The following BBS9 variants were observed in gnomAD, a reference collection of about 807,000 sequenced individuals.
BBS9 encodes Bardet-Biedl syndrome 9, also known as protein PTHB1.
In BBS9, 89 loss-of-function variants were observed where a neutral mutation model predicts 117.7. The ratio of observed to expected loss-of-function variants is 0.76; its 90% CI spans 0.64 to 0.90. The LOEUF (loss-of-function observed/expected upper bound fraction) is 0.90. BBS9 is among the 40% of genes least tolerant of loss of function. The pLI, the probability that BBS9 is intolerant of heterozygous loss-of-function variation, is 0.00. For missense variants in BBS9, 982 were observed against 1,042.2 expected (o/e 0.94, Z 0.80); for synonymous variants, 379 against 370.9 (o/e 1.02, Z -0.25).
intron 12 of BBS9, among the ~76,000 whole-genome samples, chr7:33,347,936 AT>A (rs975321259): frequency 1.3e-5 from 2 of 151,726 alleles, no homozygotes; most frequent in Admixed American, 6.6e-5. Flanking sequence ...ATTTTATTTA[AT>A]TTTTTTTCTC....
intron 21 of BBS9, among the ~76,000 whole-genome samples, chr7:33,576,809 G>T (rs2129149402): frequency 6.6e-6 from 1 of 152,270 alleles, no homozygotes; most frequent in Middle Eastern, 3.4e-3. Flanking sequence ...AATGGAGAAA[G>T]AATTCCCTAT....
intron 17 of BBS9, among the ~76,000 whole-genome samples, chr7:33,381,605 T>G (rs1173969679): frequency 2.6e-5 from 4 of 152,162 alleles, no homozygotes; most frequent in African/African-American, 7.2e-5. Flanking sequence ...TCTAAAACAT[T>G]AAAACTTCAG....
At chr7:33,479,074 G>T (rs1466293722) in intron 19 of BBS9, among the ~76,000 whole-genome samples, 1 of 152,094 alleles carries the variant, frequency 6.6e-6, no homozygotes, top group Non-Finnish European at 1.5e-5. Context: ...TTTCAAGGCT[G>T]AATATTTCTT....
intron 21 of BBS9, among the ~76,000 whole-genome samples, chr7:33,616,479 A>G (rs1562534053): frequency 1.4e-5 from 2 of 142,490 alleles, no homozygotes; most frequent in African/African-American, 2.6e-5. Flanking sequence ...TATATAATAT[A>G]TGTGTGTGTG....
rs11977386 is a variant in BBS9 at position 33,368,259 on chromosome 7, T to A, written c.1789+397T>A. On this transcript the variant is annotated intron_variant, in intron 17 of 22. Coordinates refer to ENST00000242067, the MANE Select transcript of BBS9 (RefSeq NM_198428.3). ...ACTCCTAGAACTTGGAATTTTTTTG[T>A]TTGCATATATTCTTGTTTATTCATT... Among the ~76,000 whole-genome samples the A allele has an allele frequency of 7.0e-3, 1,069 of 152,302 alleles. 17 individuals are homozygous for A. The highest frequency in any genetic ancestry group is 0.025 in the African/African-American group (1,024 of 41,582).
chr7:33,392,619 A>G (rs1827250274), intron 19 of BBS9, among the ~76,000 whole-genome samples: 1 of 152,178 alleles, frequency 6.6e-6, no homozygotes, highest in African/African-American at 2.4e-5. Flanking sequence ...GTACTTTTTT[A>G]TAATCTATCC....
chr7:33,515,071 A>G lies in BBS9; in HGVS notation c.2298+9426A>G, dbSNP rs578119088. 2.4e-4 allele frequency among the ~76,000 whole-genome samples: 37 copies of G among 152,276 alleles called. No individual in the cohort carries two copies. The South Asian group carries it at 7.3e-3, about 30-fold the overall frequency. ...TAGTTACTATTGCCACTGTATGACA[A>G]CAATGCCATCTACTCTAAGTTATGG... On this transcript the variant is annotated intron_variant, in intron 20 of 22. Transcript: ENST00000242067.
intron 19 of BBS9, among the ~76,000 whole-genome samples, chr7:33,499,509 A>T (rs1475918088): frequency 6.6e-6 from 1 of 152,186 alleles, no homozygotes; most frequent in Non-Finnish European, 1.5e-5. Context: ...CAACAAATCT[A>T]TCTGGTTTAT....
intron 20 of BBS9, among the ~76,000 whole-genome samples, chr7:33,507,626 C>T (rs983491536): frequency 6.6e-6 from 1 of 152,152 alleles, no homozygotes; most frequent in African/African-American, 2.4e-5. Flanking sequence ...TTTTTATATC[C>T]TCAGTACCTG....
chr7:33,252,396 C>T (rs1796351811), intron 5 of BBS9, among the ~76,000 whole-genome samples: 2 of 152,296 alleles, frequency 1.3e-5, no homozygotes, highest in Admixed American at 1.3e-4. Context: ...ACTTTTTCAT[C>T]CTATCATGCT....
intron 5 of BBS9, among the ~76,000 whole-genome samples, chr7:33,218,998 G>C (rs993087941): frequency 6.6e-6 from 1 of 152,244 alleles, no homozygotes; most frequent in East Asian, 1.9e-4. Context: ...CGGGAACCCG[G>C]GCTGCGGGCG....
At chr7:33,360,233 T>C (rs1357153693) in intron 16 of BBS9, among the ~76,000 whole-genome samples, 1 of 152,082 alleles carries the variant, frequency 6.6e-6, no homozygotes, top group Non-Finnish European at 1.5e-5. Flanking sequence ...TTTATTATAG[T>C]TTATTTGATG....
At chr7:33,202,974 A>G (rs1415422454) in intron 5 of BBS9, among the ~76,000 whole-genome samples, 2 of 152,178 alleles carry the variant, frequency 1.3e-5, no homozygotes, top group Non-Finnish European at 2.9e-5. Flanking sequence ...CTCCAGTGGA[A>G]AACAAGGGGC....
intron 19 of BBS9, among the ~76,000 whole-genome samples, chr7:33,492,811 AGTGTGTGTGTGTGTGTGTGTGTGTGTGT>A: frequency 7.6e-6 from 1 of 131,668 alleles, no homozygotes; most frequent in South Asian, 2.5e-4. Context: ...TATAGGAGTG[AGTGTGTGTGTGTGTGTGTGTGTGTGTGT>A]GTGTGTGTGT....
At position 33,275,365 on chromosome 7, in the gene BBS9, A is replaced by G. The variant is rs377684081; in HGVS notation, c.1016+1409A>G. On this transcript the variant is annotated intron_variant, in intron 9 of 22. Transcript: ENST00000242067. ...ATCACATGGTCTTTTTAAATTTAAC[A>G]GAATATTCATACTCACCAGACATTT... 1.5e-4 allele frequency among the ~76,000 whole-genome samples: 23 copies of G among 152,340 alleles called. No homozygotes were observed. The East Asian group carries it at 1.7e-3, about 11-fold the overall frequency.
chr7:33,184,213 C>A (rs1798490364), intron 5 of BBS9, among the ~76,000 whole-genome samples: 1 of 152,002 alleles, frequency 6.6e-6, no homozygotes. Context: ...AAAGACCCAC[C>A]ATTGCAGTGA....
intron 7 of BBS9, 34 bp from the exon 8 acceptor site, chr7:33,272,978 A>T: frequency 6.2e-7 from 1 of 1,604,520 alleles, no homozygotes. Context: ...TTCTGAGGTT[A>T]GCAACTAAAT....
chr7:33,613,596 T>C (rs1864986139), intron 21 of BBS9, among the ~76,000 whole-genome samples: 1 of 151,888 alleles, frequency 6.6e-6, no homozygotes, highest in African/African-American at 2.4e-5. Context: ...AATAATACCT[T>C]CTATAAAGTG....
intron 19 of BBS9, among the ~76,000 whole-genome samples, chr7:33,425,376 A>G (rs979565505): frequency 6.6e-6 from 1 of 152,208 alleles, no homozygotes; most frequent in African/African-American, 2.4e-5. Flanking sequence ...TCCAGGGTAC[A>G]TATGCAGGAT....
Sources: gnomAD v4.1 joint callset for allele counts (sites outside exome capture counted in the v4.1 genomes callset) on GRCh38, gnomAD v4.1.1 for gene constraint, MANE v1.5 for transcripts, NCBI Gene and HGNC (gene_info 2026-07-23, HGNC 2026-07-21) for gene names.